STPG4: variants seen among roughly 807,000 people sequenced by gnomAD.
The protein encoded by STPG4 is sperm-tail PG-rich repeat containing 4.
Under a neutral mutation model 31.5 loss-of-function variants are expected in STPG4, and 41 were observed. That is an observed-to-expected ratio of 1.30 (90% CI 1.01 to 1.69). The LOEUF (loss-of-function observed/expected upper bound fraction) is 1.69, where lower values mean the gene tolerates loss of function less well. STPG4 is among the 40% of genes most tolerant of loss of function. The pLI is 0.00. For synonymous variants in STPG4, 141 were observed against 103.0 expected, an observed-to-expected ratio of 1.37 and a Z score of -2.24; for missense variants, 375 against 293.4, an observed-to-expected ratio of 1.28 and a Z score of -2.03.
intron 5 of STPG4, chr2:47,129,576 G>A (rs571884823): frequency 2.9e-5 from 6 of 209,690 alleles, no homozygotes; most frequent in East Asian, 1.3e-4. Context: ...CGGTGTTCCC[G>A]TGCAAAGTCC....
At chr2:47,103,620 T>G (rs1328214335) in intron 5 of STPG4, among the ~76,000 whole-genome samples, 1 of 151,940 alleles carries the variant, frequency 6.6e-6, no homozygotes, top group Non-Finnish European at 1.5e-5. Context: ...TGTGGTTTAC[T>G]GGGACACTTT....
intron 5 of STPG4, among the ~76,000 whole-genome samples, chr2:47,115,652 C>CTTTTTTTT (rs70940657): frequency 5.3e-5 from 6 of 113,316 alleles, no homozygotes; most frequent in East Asian, 2.5e-4. Context: ...ACATTAAAGG[C>CTTTTTTTT]TTTTTTTTTT....
At chr2:47,103,304 C>A (rs953057548) in intron 5 of STPG4, among the ~76,000 whole-genome samples, 1 of 151,886 alleles carries the variant, frequency 6.6e-6, no homozygotes, top group African/African-American at 2.4e-5. Flanking sequence ...AAAATATACT[C>A]CCCTGTCACC....
At position 47,100,203 on chromosome 2, in the gene STPG4, G is replaced by T. The variant is rs1163663054; in HGVS notation, c.520-9829C>A. 4.6e-5 allele frequency among the ~76,000 whole-genome samples: 7 copies of T among 152,164 alleles called. No homozygotes were observed. In the East Asian group the frequency reaches 9.7e-4, roughly 21 times the overall value. ...TGAAGCCAGCTGGGCTCCTGAGTCTGGTGGGGACGTGGAGAACCTTTATGT... is the reference window on the plus strand; with the variant it reads ...TGAAGCCAGCTGGGCTCCTGAGTCTTGTGGGGACGTGGAGAACCTTTATGT... On this transcript the variant is annotated intron_variant, in intron 5 of 6. Transcript: ENST00000445927.
chr2:47,123,092 C>G (rs1426588102), intron 5 of STPG4, among the ~76,000 whole-genome samples: 2 of 152,180 alleles, frequency 1.3e-5, no homozygotes, highest in Non-Finnish European at 2.9e-5. Context: ...TTCCAAAGTG[C>G]TGGGATTACA....
In STPG4 at chr2:47,151,344, G is replaced by C. The variant is rs751746433; in HGVS notation, c.313C>G (p.Leu105Val). Residue 105 changes from leucine to valine, a missense_variant, in exon 3 of 7, where the codon CTG becomes GTG. Physicochemically the swap from Leu to Val is conservative, Grantham distance 32. Coordinates refer to ENST00000445927, the MANE Select transcript of STPG4 (RefSeq NM_001163561.2). ...DLPQYMPPDF[L>V]DLLKKQVATY... ...GCCACTTGCTTCTTTAACAGGTCCA[G>C]GAAGTCAGGAGGCATATACTGCGGA... 12 of 1,614,186 alleles carry C rather than the reference G, an allele frequency of 7.4e-6. No individual in the cohort carries two copies. Among genetic ancestry groups the C allele is most frequent in the East Asian group, 2.2e-5 (1 of 44,888 alleles).
At chr2:47,133,773 C>T (rs1239238582) in intron 3 of STPG4, among the ~76,000 whole-genome samples, 1 of 151,840 alleles carries the variant, frequency 6.6e-6, no homozygotes, top group African/African-American at 2.4e-5. Flanking sequence ...GACAGGGCTT[C>T]TCCATGTTGG....
chr2:47,131,067 G>C (rs1422717952), intron 3 of STPG4, among the ~76,000 whole-genome samples: 1 of 151,992 alleles, frequency 6.6e-6, no homozygotes, highest in East Asian at 1.9e-4. Flanking sequence ...TCCTGCCTCA[G>C]CCTCCCAAAG....
intron 5 of STPG4, 134 bp downstream of exon 5, chr2:47,129,807 T>C (rs1253426719): frequency 9.1e-7 from 1 of 1,098,164 alleles, no homozygotes; most frequent in Non-Finnish European, 1.3e-6. Context: ...TGGATAATTG[T>C]GTGGATAATG....
Position 47,087,140 on chromosome 2 carries a change from G to A in STPG4, c.625-10C>T, listed in dbSNP as rs562134840. 6.4e-7 allele frequency: 1 copy of A among 1,551,534 alleles called. No homozygotes were observed. The highest frequency in any genetic ancestry group is 8.7e-7 in the Non-Finnish European group (1 of 1,146,902). On this transcript the variant is annotated splice_polypyrimidine_tract_variant and intron_variant, in intron 6 of 6. Transcript: ENST00000445927. Reference sequence around the variant, plus strand: ...CTGGGCCTGGGGTTTTCTGAAAACAGAGCAGAAAACAGGGACTGATGAGAC... The same window carrying A: ...CTGGGCCTGGGGTTTTCTGAAAACAAAGCAGAAAACAGGGACTGATGAGAC...
chr2:47,111,491 A>C (rs1686035792), intron 5 of STPG4, among the ~76,000 whole-genome samples: 1 of 152,128 alleles, frequency 6.6e-6, no homozygotes, highest in Non-Finnish European at 1.5e-5. Flanking sequence ...CTACAAATGA[A>C]AGTTTTGCTT....
At chr2:47,113,020 G>C (rs1458558468) in intron 5 of STPG4, among the ~76,000 whole-genome samples, 2 of 144,232 alleles carry the variant, frequency 1.4e-5, no homozygotes, top group African/African-American at 5.1e-5. Flanking sequence ...AAAATCACAA[G>C]TAAAAATTAG....
At chr2:47,123,018 G>A (rs1005991857) in intron 5 of STPG4, among the ~76,000 whole-genome samples, 15 of 151,922 alleles carry the variant, frequency 9.9e-5, no homozygotes, top group Non-Finnish European at 1.6e-4. Flanking sequence ...TAGAGACGGG[G>A]TTTCACCATG....
chr2:47,133,570 C>CTTTTTTTT lies in STPG4; in HGVS notation c.400-3318_400-3311dup, dbSNP rs10682288. ...ATCCATGCTGATTAGGCACTCAAAT[C>CTTTTTTTT]TTTTTTTTTTTTTTTTTTTTTTTTG... On this transcript the variant is annotated intron_variant, in intron 3 of 6. Coordinates refer to ENST00000445927, the MANE Select transcript of STPG4 (RefSeq NM_001163561.2). Among the ~76,000 whole-genome samples the CTTTTTTTT allele has an allele frequency of 6.9e-3, 463 of 67,144 alleles. 71 individuals are homozygous for CTTTTTTTT. The highest frequency in any genetic ancestry group is 7.7e-3 in the East Asian group (15 of 1,942). 44.0% of individuals were successfully genotyped at this position (67,144 alleles called of 152,430 possible).
chr2:47,090,386 T>C lies in STPG4; in HGVS notation c.520-12A>G, dbSNP rs1685547215. 3.3e-6 allele frequency: 5 copies of C among 1,512,062 alleles called. No homozygotes were observed. In the African/African-American group the frequency reaches 4.2e-5, roughly 13 times the overall value. 93.7% of individuals were successfully genotyped at this position (1,512,062 alleles called of 1,614,324 possible). On this transcript the variant is annotated splice_polypyrimidine_tract_variant and intron_variant, in intron 5 of 6. Transcript: ENST00000445927. ...CCAGGGCCTTCATGCTATTGAACAT[T>C]TAAAAAATTGCTTCATTATTATTGT...
At chr2:47,111,056 G>A (rs1448730458) in intron 5 of STPG4, among the ~76,000 whole-genome samples, 1 of 152,150 alleles carries the variant, frequency 6.6e-6, no homozygotes, top group Non-Finnish European at 1.5e-5. Flanking sequence ...TACTTTAGGA[G>A]GGTTTTCTTA....
At chr2:47,099,449 G>A (rs1264698121) in intron 5 of STPG4, among the ~76,000 whole-genome samples, 3 of 152,248 alleles carry the variant, frequency 2.0e-5, no homozygotes, top group African/African-American at 7.2e-5. Flanking sequence ...TCTCCCAGAT[G>A]CTTTGCTAAC....
At chr2:47,101,805 C>G (rs1029340740) in intron 5 of STPG4, among the ~76,000 whole-genome samples, 2 of 151,884 alleles carry the variant, frequency 1.3e-5, no homozygotes, top group Non-Finnish European at 2.9e-5. Flanking sequence ...GTCACTCTTC[C>G]AACCCTGAAG....
At chr2:47,115,613 TTCTG>T (rs1006213157) in intron 5 of STPG4, among the ~76,000 whole-genome samples, 7 of 151,998 alleles carry the variant, frequency 4.6e-5, no homozygotes, top group African/African-American at 1.5e-4. Context: ...GTTTCCATCC[TTCTG>T]TCTGTTTATC....
Sources: allele counts gnomAD v4.1 joint callset (sites outside exome capture counted in the v4.1 genomes callset), GRCh38; gene constraint gnomAD v4.1.1; transcripts MANE v1.5; gene names NCBI Gene and HGNC (gene_info 2026-07-23, HGNC 2026-07-21).